RNLS: variants seen among roughly 807,000 people sequenced by gnomAD.
RNLS encodes the protein renalase.
A neutral mutation model predicts 39.8 loss-of-function variants in RNLS; 39 were observed. That is an observed-to-expected ratio of 0.98 (90% CI 0.76 to 1.28). The LOEUF is 1.28. Ranked by LOEUF, RNLS falls within the 50% of genes most tolerant of loss-of-function variation. The pLI is 0.00. For synonymous variants in RNLS, 147 were observed against 150.7 expected (o/e 0.98, Z 0.18); for missense variants, 410 against 413.3 (o/e 0.99, Z 0.07).
chr10:88,277,070 C>A (rs931325342), intron 6 of RNLS, among the ~76,000 whole-genome samples: 3 of 152,114 alleles, frequency 2.0e-5, no homozygotes, highest in Non-Finnish European at 4.4e-5. Flanking sequence ...AGACTTGGAA[C>A]CAACCCAAAT....
chr10:88,352,310 C>T (rs1391654408), intron 5 of RNLS, among the ~76,000 whole-genome samples: 2 of 152,158 alleles, frequency 1.3e-5, no homozygotes, highest in African/African-American at 4.8e-5. Context: ...AGTTTTTGCC[C>T]ATTCAGGATG....
Position 88,284,413 on chromosome 10 carries a change from C to A in RNLS, c.*941G>T. The A allele has an allele frequency of 2.0e-6, 2 of 985,346 alleles. No homozygotes were observed. The highest frequency in any genetic ancestry group is 2.4e-6 in the Non-Finnish European group (2 of 829,902). 61.0% of individuals were successfully genotyped at this position (985,346 alleles called of 1,614,324 possible). A position where few individuals can be genotyped will look rare whatever the true frequency, so the allele number is the denominator to read the frequency against. On this transcript the variant is annotated 3_prime_UTR_variant, in exon 7 of 7. Coordinates refer to ENST00000331772, the MANE Select transcript of RNLS (RefSeq NM_001031709.3). The stretch of plus-strand genomic sequence containing the variant: ...TGGAAGGCTGGAGATTGATTTCTCT[C>A]CAGCTAGCAAGTCGTGGGGTCAGGT...
At chr10:88,420,983 T>G (rs1854370276) in intron 4 of RNLS, among the ~76,000 whole-genome samples, 1 of 152,340 alleles carries the variant, frequency 6.6e-6, no homozygotes, top group East Asian at 1.9e-4. Context: ...GGCAAGCCCT[T>G]GCATGTGGTC....
At chr10:88,257,772 C>T in the RNLS span, among the ~76,000 whole-genome samples, 1 of 152,186 alleles carries the variant, frequency 6.6e-6, no homozygotes, top group Non-Finnish European at 1.5e-5. Context: ...CTTCAGGACT[C>T]AGTCTACGAT....
downstream of RNLS, among the ~76,000 whole-genome samples, chr10:88,283,472 G>C (rs542126888): frequency 6.6e-6 from 1 of 152,186 alleles, no homozygotes. Context: ...TGTTTTTAAA[G>C]GTTCAGGGTG....
chr10:88,461,164 G>A (rs1449406652), intron 4 of RNLS, among the ~76,000 whole-genome samples: 1 of 152,054 alleles, frequency 6.6e-6, no homozygotes, highest in Non-Finnish European at 1.5e-5. Flanking sequence ...ATGGCTAAAA[G>A]CCCTTGTTGG....
the RNLS span, among the ~76,000 whole-genome samples, chr10:88,259,947 G>A: frequency 6.6e-6 from 1 of 152,082 alleles, no homozygotes; most frequent in Non-Finnish European, 1.5e-5. Context: ...TCACCATGTT[G>A]GCCAGGATGG....
intron 4 of RNLS, among the ~76,000 whole-genome samples, chr10:88,443,519 C>A (rs1159314489): frequency 3.3e-5 from 5 of 152,226 alleles, no homozygotes; most frequent in African/African-American, 1.2e-4. Context: ...GGCGAGGCAT[C>A]ACCTCACCCG....
chr10:88,397,765 T>TA (rs1346284872), intron 4 of RNLS, among the ~76,000 whole-genome samples: 1 of 151,078 alleles, frequency 6.6e-6, no homozygotes, highest in East Asian at 1.9e-4. Flanking sequence ...TTCACACAGC[T>TA]AAAATAGCCA....
chr10:88,482,304 C>T (rs1375931538), intron 4 of RNLS, among the ~76,000 whole-genome samples: 1 of 152,078 alleles, frequency 6.6e-6, no homozygotes, highest in Admixed American at 6.6e-5. Context: ...AATGTTGTCC[C>T]ACTGCTCTGC....
chr10:88,519,085 C>T (rs1564866844), intron 4 of RNLS, among the ~76,000 whole-genome samples: 1 of 152,062 alleles, frequency 6.6e-6, no homozygotes, highest in African/African-American at 2.4e-5. Flanking sequence ...CTGAGTCCTA[C>T]AGCCAGATAT....
intron 4 of RNLS, among the ~76,000 whole-genome samples, chr10:88,568,489 A>C (rs763929879): frequency 2.0e-4 from 30 of 152,098 alleles, no homozygotes; most frequent in Non-Finnish European, 3.5e-4. Flanking sequence ...TGTGACTTAT[A>C]ATCTTAAAGC....
the RNLS span, among the ~76,000 whole-genome samples, chr10:88,199,136 G>A: frequency 6.6e-6 from 1 of 152,170 alleles, no homozygotes; most frequent in Non-Finnish European, 1.5e-5. Flanking sequence ...GAAAGGTGAG[G>A]AGAAGAGAAG....
the RNLS span, among the ~76,000 whole-genome samples, chr10:88,193,897 A>G: frequency 2.6e-5 from 4 of 152,180 alleles, no homozygotes; most frequent in South Asian, 8.3e-4. Flanking sequence ...TGGTTTTCTT[A>G]GTGTCAAAAT....
chr10:88,329,770 G>C (rs942639325), intron 5 of RNLS, among the ~76,000 whole-genome samples: 1 of 151,132 alleles, frequency 6.6e-6, no homozygotes, highest in Non-Finnish European at 1.5e-5. Context: ...TTACATCTGT[G>C]GTTTTTTTGA....
At chr10:88,383,312 T>G (rs1851662568) in intron 4 of RNLS, among the ~76,000 whole-genome samples, 1 of 152,112 alleles carries the variant, frequency 6.6e-6, no homozygotes, top group Non-Finnish European at 1.5e-5. Flanking sequence ...ACTGAATAGT[T>G]TTGGAAATGA....
the RNLS span, among the ~76,000 whole-genome samples, chr10:88,225,303 GA>G: frequency 6.6e-6 from 1 of 152,094 alleles, no homozygotes; most frequent in South Asian, 2.1e-4. Context: ...AACTTTGTAA[GA>G]AAAAAAATCC....
chr10:88,416,898 T>C (rs1854064901), intron 4 of RNLS, among the ~76,000 whole-genome samples: 1 of 152,230 alleles, frequency 6.6e-6, no homozygotes, highest in Non-Finnish European at 1.5e-5. Flanking sequence ...CTCTTCCCAC[T>C]TAACATCTGG....
At chr10:88,307,541 A>T (rs1390643899) in intron 6 of RNLS, among the ~76,000 whole-genome samples, 1 of 152,192 alleles carries the variant, frequency 6.6e-6, no homozygotes, top group Non-Finnish European at 1.5e-5. Flanking sequence ...ACAATAGTCA[A>T]GCCAAGGGCC....
Sources: gnomAD v4.1 joint callset for allele counts (sites outside exome capture counted in the v4.1 genomes callset) on GRCh38, gnomAD v4.1.1 for gene constraint, MANE v1.5 for transcripts, NCBI Gene and HGNC (gene_info 2026-07-23, HGNC 2026-07-21) for gene names.